NDFIP1: variants seen among roughly 807,000 people sequenced by gnomAD.
NDFIP1 encodes the protein Nedd4 family interacting protein 1, also known as NEDD4 family-interacting protein 1.
NDFIP1 carries 7 observed loss-of-function variants against 28.8 expected under a neutral mutation model. The ratio of observed to expected loss-of-function variants is 0.24; its 90% CI spans 0.14 to 0.46. The LOEUF (loss-of-function observed/expected upper bound fraction) is 0.46. NDFIP1 is among the 20% of genes least tolerant of loss of function. The probability of loss-of-function intolerance (pLI) is 0.99; values close to 1 mark genes in which losing one functional copy is unlikely to be tolerated. For missense variants in NDFIP1, 194 were observed against 269.1 expected (o/e 0.72, Z 1.95); for synonymous variants, 92 against 101.0 (o/e 0.91, Z 0.53).
At chr5:142,149,983 CAT>C (rs1365115955) in intron 7 of NDFIP1, among the ~76,000 whole-genome samples, 3 of 152,178 alleles carry the variant, frequency 2.0e-5, no homozygotes, top group Non-Finnish European at 4.4e-5. Context: ...AGATCAAGAC[CAT>C]CCTGGCTAAC....
intron 6 of NDFIP1, chr5:142,144,344 A>C: frequency 2.9e-6 from 1 of 345,942 alleles, no homozygotes; most frequent in African/African-American, 2.1e-5. Flanking sequence ...AGACCAATTC[A>C]ATTCTGAATG....
rs1757228903 is a variant in NDFIP1 at position 142,131,681 on chromosome 5, G to T, written c.64-127G>T. On this transcript the variant is annotated intron_variant, in intron 1 of 7. Transcript: ENST00000253814. ...GTAGAATACTTTTCTTAAAGGATTT[G>T]TGCATTTCAAGGCTTTCAAAATACG... is the stretch of plus-strand genomic sequence containing the variant. 4.9e-6 allele frequency: 3 copies of T among 616,528 alleles called. No homozygotes were observed. The South Asian group carries it at 9.9e-5, about 20-fold the overall frequency. The allele number at this position is 616,528 out of a possible 1,614,324, so 38.2% of individuals were successfully genotyped here.
intron 7 of NDFIP1, among the ~76,000 whole-genome samples, chr5:142,147,162 C>T (rs1002142977): frequency 3.3e-5 from 5 of 152,114 alleles, no homozygotes; most frequent in Admixed American, 6.5e-5. Flanking sequence ...CCAGAGAATT[C>T]AGAGCTCTAA....
At chr5:142,140,465 A>AT in intron 5 of NDFIP1, 98 bp from the exon 6 acceptor site, 4 of 965,280 alleles carry the variant, frequency 4.1e-6, no homozygotes, top group Non-Finnish European at 6.2e-6. Flanking sequence ...AAAAAAAAAA[A>AT]GAATAAGTCT....
chr5:142,143,921 G>T (rs1390636109), intron 6 of NDFIP1: 2 of 151,974 alleles, frequency 1.3e-5, no homozygotes, highest in Non-Finnish European at 2.9e-5. Context: ...CTGGGCCCAG[G>T]AATTCAAGCT....
intron 3 of NDFIP1, among the ~76,000 whole-genome samples, chr5:142,133,679 A>G (rs749210835): frequency 6.6e-6 from 1 of 152,242 alleles, no homozygotes; most frequent in Non-Finnish European, 1.5e-5. Flanking sequence ...ACAAGTACAT[A>G]TTTAGGAACT....
chr5:142,122,698 A>G (rs747071330), intron 1 of NDFIP1, among the ~76,000 whole-genome samples: 1 of 152,100 alleles, frequency 6.6e-6, no homozygotes, highest in Non-Finnish European at 1.5e-5. Flanking sequence ...CTGTGGTTTT[A>G]ATTTTCATTT....
chr5:142,110,150 G>A (rs1291069716), intron 1 of NDFIP1, among the ~76,000 whole-genome samples: 1 of 152,124 alleles, frequency 6.6e-6, no homozygotes, highest in African/African-American at 2.4e-5. Context: ...GCCATGTGTT[G>A]CAATCCGTCC....
chr5:142,147,593 G>A (rs1241129845), intron 7 of NDFIP1, among the ~76,000 whole-genome samples: 2 of 152,052 alleles, frequency 1.3e-5, no homozygotes, highest in African/African-American at 2.4e-5. Context: ...TTTCTTTGTT[G>A]CAGCATTGTT....
chr5:142,138,045 G>A, intron 5 of NDFIP1, 187 bp downstream of exon 5: 2 of 577,900 alleles, frequency 3.5e-6, no homozygotes, highest in Non-Finnish European at 5.7e-6. Context: ...CACAAGTTTT[G>A]TTGTCAAATC....
At chr5:142,118,633 G>A (rs748486208) in intron 1 of NDFIP1, among the ~76,000 whole-genome samples, 6 of 152,214 alleles carry the variant, frequency 3.9e-5, no homozygotes, top group Admixed American at 2.6e-4. Flanking sequence ...TGGGAAGGAA[G>A]TCACTATGCA....
intron 5 of NDFIP1, among the ~76,000 whole-genome samples, chr5:142,140,045 G>T (rs553734781): frequency 5.9e-5 from 9 of 152,264 alleles, no homozygotes; most frequent in African/African-American, 2.2e-4. Flanking sequence ...GCTTTTCCTT[G>T]AAAGGAAATA....
rs1757068582 is a variant in NDFIP1 at position 142,116,368 on chromosome 5, CTCTCTT to C, written c.63+7335_63+7340del. Among the ~76,000 whole-genome samples, 3 of 106,352 alleles carry C rather than the reference CTCTCTT, an allele frequency of 2.8e-5. No homozygotes were observed. The South Asian group carries it at 8.3e-4, about 29-fold the overall frequency. 69.8% of individuals were successfully genotyped at this position (106,352 alleles called of 152,430 possible). On this transcript the variant is annotated intron_variant, in intron 1 of 7. Transcript: ENST00000253814. Reference sequence around the variant, plus strand: ...CTTCCTTCTTTCTCTCTCTCTCTCTCTCTCTTTCTTTCTTTCTTTCAACAGAGTCTT... The same window carrying C: ...CTTCCTTCTTTCTCTCTCTCTCTCTCTCTTTCTTTCTTTCAACAGAGTCTT...
In NDFIP1 at chr5:142,115,580, C is replaced by T. The variant is rs541147118; in HGVS notation, c.63+6543C>T. Among the ~76,000 whole-genome samples the T allele has an allele frequency of 1.2e-4, 18 of 152,222 alleles. No homozygotes were observed. In the East Asian group the frequency reaches 1.9e-3, roughly 16 times the overall value. ...GATTACAGGTGTGAGCCACTGCGCC[C>T]GGCCTATATTCTTATAATAATGGAC... On this transcript the variant is annotated intron_variant, in intron 1 of 7. Coordinates refer to ENST00000253814, the MANE Select transcript of NDFIP1 (RefSeq NM_030571.4).
chr5:142,147,923 A>G (rs1237571259), intron 7 of NDFIP1, among the ~76,000 whole-genome samples: 1 of 152,230 alleles, frequency 6.6e-6, no homozygotes, highest in Non-Finnish European at 1.5e-5. Flanking sequence ...ATGGCCAATC[A>G]GAGAACACAA....
chr5:142,112,944 C>T (rs116873783), intron 1 of NDFIP1, among the ~76,000 whole-genome samples: 3 of 151,986 alleles, frequency 2.0e-5, no homozygotes, highest in African/African-American at 4.8e-5. Flanking sequence ...AAACCTGTTG[C>T]GTGTTTCTCT....
At chr5:142,109,895 T>C (rs1045714711) in intron 1 of NDFIP1, among the ~76,000 whole-genome samples, 2 of 152,142 alleles carry the variant, frequency 1.3e-5, no homozygotes. Context: ...CATACAGTAA[T>C]GGTGGGAATT....
intron 1 of NDFIP1, among the ~76,000 whole-genome samples, chr5:142,123,504 G>A (rs1410293363): frequency 6.6e-6 from 1 of 152,090 alleles, no homozygotes; most frequent in Non-Finnish European, 1.5e-5. Flanking sequence ...TCCTTTGGAA[G>A]GAGCTGCTTA....
intron 4 of NDFIP1, among the ~76,000 whole-genome samples, chr5:142,137,222 G>A (rs992273133): frequency 6.6e-6 from 1 of 152,138 alleles, no homozygotes; most frequent in Non-Finnish European, 1.5e-5. Flanking sequence ...GTGCAGTGGT[G>A]TGATCACTTC....
Sources: allele counts gnomAD v4.1 joint callset (sites outside exome capture counted in the v4.1 genomes callset), GRCh38; gene constraint gnomAD v4.1.1; transcripts MANE v1.5; gene names NCBI Gene and HGNC (gene_info 2026-07-23, HGNC 2026-07-21).